KLHL29: variants seen among roughly 807,000 people sequenced by gnomAD.
The protein encoded by KLHL29 is kelch-like protein 29.
In KLHL29, 21 loss-of-function variants were observed where a neutral mutation model predicts 80.4. The observed-to-expected ratio is 0.26, with a 90% CI of 0.19 to 0.38. The LOEUF (loss-of-function observed/expected upper bound fraction) is 0.38, where lower values mean the gene tolerates loss of function less well. Among genes scored for constraint, KLHL29 ranks in the 10% least tolerant of loss-of-function variants. The pLI is 1.00. For missense variants in KLHL29, 867 were observed against 1,223.9 expected (o/e 0.71, Z 4.35); for synonymous variants, 511 against 526.8 (o/e 0.97, Z 0.41).
At chr2:23,533,938 T>G (rs946015923) in intron 2 of KLHL29, among the ~76,000 whole-genome samples, 11 of 151,934 alleles carry the variant, frequency 7.2e-5, no homozygotes, top group African/African-American at 2.4e-4. Context: ...GTCTGTTGTT[T>G]TTTTTTTTTT....
intron 3 of KLHL29, among the ~76,000 whole-genome samples, chr2:23,563,713 G>A (rs931112027): frequency 6.6e-6 from 1 of 152,226 alleles, no homozygotes; most frequent in African/African-American, 2.4e-5. Context: ...AACTGTGAGT[G>A]TTGCCGGCCA....
intron 2 of KLHL29, among the ~76,000 whole-genome samples, chr2:23,477,787 A>T (rs913946642): frequency 6.6e-6 from 1 of 152,218 alleles, no homozygotes; most frequent in Non-Finnish European, 1.5e-5. Flanking sequence ...CAAAGAAAAG[A>T]TTGAGGACGT....
At chr2:23,636,909 G>A (rs1051407436) in intron 3 of KLHL29, among the ~76,000 whole-genome samples, 10 of 152,076 alleles carry the variant, frequency 6.6e-5, no homozygotes, top group Admixed American at 5.2e-4. Flanking sequence ...GCTGCTCCAG[G>A]GCAAGTTTCC....
chr2:23,627,327 C>T (rs1191172485), intron 3 of KLHL29, among the ~76,000 whole-genome samples: 1 of 152,256 alleles, frequency 6.6e-6, no homozygotes, highest in East Asian at 1.9e-4. Context: ...AGGATCCTGC[C>T]TGGCCACACG....
At chr2:23,407,884 AC>A (rs1380130697) in intron 1 of KLHL29, among the ~76,000 whole-genome samples, 2 of 151,938 alleles carry the variant, frequency 1.3e-5, no homozygotes, top group East Asian at 3.9e-4. Flanking sequence ...TACCTCTCAT[AC>A]ATTAAATTCT....
At chr2:23,402,223 C>G (rs80238555) in intron 1 of KLHL29, among the ~76,000 whole-genome samples, 12,847 of 152,092 alleles carry the variant, frequency 0.084, 1,003 homozygotes, top group East Asian at 0.28. Context: ...CACACTGTCC[C>G]GGGTGGAAAA....
At chr2:23,554,136 G>A (rs992864096) in intron 2 of KLHL29, among the ~76,000 whole-genome samples, 4 of 152,160 alleles carry the variant, frequency 2.6e-5, no homozygotes, top group South Asian at 2.1e-4. Context: ...CCCACCTCCC[G>A]CTAACATCCA....
chr2:23,484,705 T>C (rs1664883283), intron 2 of KLHL29, among the ~76,000 whole-genome samples: 1 of 152,226 alleles, frequency 6.6e-6, no homozygotes, highest in Non-Finnish European at 1.5e-5. Flanking sequence ...TTCAAGGCTT[T>C]CTGAAATGCA....
At chr2:23,443,333 A>T (rs1051128500) in intron 1 of KLHL29, among the ~76,000 whole-genome samples, 1 of 152,236 alleles carries the variant, frequency 6.6e-6, no homozygotes, top group African/African-American at 2.4e-5. Flanking sequence ...CATTACACCT[A>T]ATAAGATAAA....
At chr2:23,402,300 C>T (rs1357190906) in intron 1 of KLHL29, among the ~76,000 whole-genome samples, 2 of 152,218 alleles carry the variant, frequency 1.3e-5, no homozygotes, top group African/African-American at 4.8e-5. Context: ...GGGTGATTTC[C>T]TAAAATGTGT....
At chr2:23,474,629 G>T (rs933112230) in intron 1 of KLHL29, among the ~76,000 whole-genome samples, 1 of 152,032 alleles carries the variant, frequency 6.6e-6, no homozygotes, top group African/African-American at 2.4e-5. Context: ...CTCTATCAGC[G>T]GCCGCTGGAA....
intron 1 of KLHL29, among the ~76,000 whole-genome samples, chr2:23,435,997 G>A (rs374510136): frequency 8.0e-4 from 120 of 149,366 alleles, no homozygotes; most frequent in African/African-American, 2.5e-3. Flanking sequence ...TAGAGCTTTC[G>A]AGACCCTCAT....
At chr2:23,622,180 TGAAG>T (rs1167805844) in intron 3 of KLHL29, among the ~76,000 whole-genome samples, 1 of 152,158 alleles carries the variant, frequency 6.6e-6, no homozygotes, top group Non-Finnish European at 1.5e-5. Context: ...ACTCAAGTAA[TGAAG>T]GAACAGGGAC....
rs1185306571 is a variant in KLHL29, at chr2:23,681,797, T to C, written c.941-2602T>C. Among the ~76,000 whole-genome samples the C allele has an allele frequency of 6.6e-6, 1 of 152,136 alleles. No individual in the cohort carries two copies. The highest frequency in any genetic ancestry group is 1.9e-4 in the East Asian group (1 of 5,194). ...CCTACCGCTTCACTCAAAAAGGGGA[T>C]GTCATCTACCTGGCTCGTGGTTTGG... is the stretch of plus-strand genomic sequence containing the variant. On this transcript the variant is annotated intron_variant, in intron 5 of 13. Coordinates refer to ENST00000486442, the MANE Select transcript of KLHL29 (RefSeq NM_052920.2). The surrounding 1 kb of genome is among the most constrained non-coding windows in gnomAD (Gnocchi z 4.2).
At chr2:23,438,886 T>C (rs1312053776) in intron 1 of KLHL29, among the ~76,000 whole-genome samples, 1 of 150,870 alleles carries the variant, frequency 6.6e-6, no homozygotes, top group Non-Finnish European at 1.5e-5. Context: ...GAAGGAATGG[T>C]ACCAGTTCCT....
chr2:23,572,732 G>A (rs1026399605), intron 3 of KLHL29, among the ~76,000 whole-genome samples: 1 of 142,832 alleles, frequency 7.0e-6, no homozygotes, highest in East Asian at 2.0e-4. Context: ...ACGGAGTCTC[G>A]CTCTGTCACC....
At chr2:23,410,810 G>C (rs1666843722) in intron 1 of KLHL29, among the ~76,000 whole-genome samples, 1 of 152,090 alleles carries the variant, frequency 6.6e-6, no homozygotes, top group East Asian at 1.9e-4. Context: ...ACGTAAACAC[G>C]GGAAACCACA....
intron 2 of KLHL29, chr2:23,524,069 C>T: frequency 2.1e-6 from 1 of 471,338 alleles, no homozygotes; most frequent in Non-Finnish European, 4.4e-6. Context: ...AGGCCTTCCC[C>T]ATCTAGGGTT....
chr2:23,566,917 C>A (rs755481941), intron 3 of KLHL29, among the ~76,000 whole-genome samples: 1 of 152,146 alleles, frequency 6.6e-6, no homozygotes, highest in Non-Finnish European at 1.5e-5. Context: ...GAAACCTGTC[C>A]CCCCCTGGTG....
Sources: allele counts gnomAD v4.1 joint callset (sites outside exome capture counted in the v4.1 genomes callset), GRCh38; gene constraint gnomAD v4.1.1; non-coding constraint Gnocchi (gnomAD v3.1); transcripts MANE v1.5; gene names NCBI Gene and HGNC (gene_info 2026-07-23, HGNC 2026-07-21).